Variants in ATP11C observed in about 807,000 individuals in gnomAD.
ATP11C encodes the protein phospholipid-transporting ATPase IG.
In ATP11C, 36 loss-of-function variants were observed where a neutral mutation model predicts 97.4. The ratio of observed to expected loss-of-function variants is 0.37; its 90% CI spans 0.28 to 0.49. The LOEUF (loss-of-function observed/expected upper bound fraction) is 0.49. ATP11C is among the 20% of genes least tolerant of loss of function. The pLI is 0.98. For synonymous variants in ATP11C, 275 were observed against 290.9 expected (o/e 0.95, Z 0.56); for missense variants, 730 against 824.6 (o/e 0.89, Z 1.40).
chrX:139,741,068 C>T lies in ATP11C; in HGVS notation c.3057G>A (p.Thr1019=), dbSNP rs1172482306. Residue 1019 remains threonine (T), a synonymous_variant, in exon 27 of 30, where the codon ACG becomes ACA. Coordinates refer to ENST00000682941, the MANE Select transcript of ATP11C (RefSeq NM_001353812.2). ...CCCAAATCACAAAGTGATTTATCCA[C>T]GTCCAGAATCGGGTATCCAAGGCAA... The part of the protein sequence containing the change: ...LKLALDTRFW[T]WINHFVIWGS... 3.3e-6 allele frequency: 4 copies of T among 1,201,434 alleles called. No homozygotes were observed. Among genetic ancestry groups the T allele is most frequent in the South Asian group, 1.8e-5 (1 of 56,435 alleles).
chrX:139,732,230 G>A (rs2081359817), intron 28 of ATP11C, among the ~76,000 whole-genome samples: 1 of 111,094 alleles, frequency 9.0e-6, no homozygotes, highest in Non-Finnish European at 1.9e-5. Flanking sequence ...CTACAGACCC[G>A]TAGTCCAAGC....
chrX:139,805,598 C>A (rs999574463), intron 5 of ATP11C, among the ~76,000 whole-genome samples: 2 of 112,002 alleles, frequency 1.8e-5, no homozygotes, highest in Non-Finnish European at 3.8e-5. Flanking sequence ...GATTTTCACA[C>A]CATGGTACAT....
At chrX:139,843,115 G>C (rs2083859517) in intron 1 of ATP11C, among the ~76,000 whole-genome samples, 1 of 112,283 alleles carries the variant, frequency 8.9e-6, no homozygotes, top group Admixed American at 9.5e-5. Context: ...GTAACATATG[G>C]AAGGCTGCAG....
rs141626395 is a variant in ATP11C at position 139,888,323 on chromosome X, G to C, written c.27+43693C>G. On this transcript the variant is annotated intron_variant, in intron 1 of 29. Coordinates refer to ENST00000682941, the MANE Select transcript of ATP11C (RefSeq NM_001353812.2). ...TAATTTTTGTATTTTTGTAGAGACG[G>C]GGTTTCACCATGTTGGCCAGGCTGC... 2.7e-5 allele frequency among the ~76,000 whole-genome samples: 3 copies of C among 109,692 alleles called. No homozygotes were observed. The South Asian group carries it at 1.2e-3, about 44-fold the overall frequency.
At chrX:139,735,103 T>C (rs2081416519) in intron 28 of ATP11C, among the ~76,000 whole-genome samples, 1 of 111,874 alleles carries the variant, frequency 8.9e-6, no homozygotes, top group African/African-American at 3.2e-5. Flanking sequence ...GCTTGTGAGC[T>C]AGGGCCACAT....
At chrX:139,912,013 T>C (rs779709253) in intron 1 of ATP11C, among the ~76,000 whole-genome samples, 2 of 107,762 alleles carry the variant, frequency 1.9e-5, no homozygotes, top group East Asian at 5.9e-4. Flanking sequence ...CCGTCTCTAC[T>C]AAAATACAAA....
At chrX:139,837,193 T>C (rs1208563623) in intron 1 of ATP11C, among the ~76,000 whole-genome samples, 1 of 112,002 alleles carries the variant, frequency 8.9e-6, no homozygotes, top group Non-Finnish European at 1.9e-5. Flanking sequence ...AGACAAACAG[T>C]AGTTAGAAGT....
chrX:139,882,996 C>T (rs1029048915), intron 1 of ATP11C, among the ~76,000 whole-genome samples: 2 of 110,800 alleles, frequency 1.8e-5, no homozygotes, highest in African/African-American at 6.6e-5. Context: ...AACAGGGAGC[C>T]ACCAGAAAGT....
At chrX:139,746,990 G>A (rs906516939) in intron 24 of ATP11C, among the ~76,000 whole-genome samples, 6 of 111,526 alleles carry the variant, frequency 5.4e-5, no homozygotes. Flanking sequence ...GTGGGGCTTC[G>A]TGCACATGGC....
chrX:139,858,038 T>C (rs1488934118), intron 1 of ATP11C, among the ~76,000 whole-genome samples: 1 of 112,465 alleles, frequency 8.9e-6, no homozygotes, highest in East Asian at 2.8e-4. Context: ...TTATAAAAAT[T>C]AATTTGGCTC....
At chrX:139,922,481 T>A (rs945409843) in intron 1 of ATP11C, among the ~76,000 whole-genome samples, 6 of 107,481 alleles carry the variant, frequency 5.6e-5, no homozygotes, top group Non-Finnish European at 1.1e-4. Context: ...AGGATGTTTG[T>A]GTTCCCCTAA....
chrX:139,843,352 T>TA (rs1365180407), intron 1 of ATP11C, among the ~76,000 whole-genome samples: 1 of 111,951 alleles, frequency 8.9e-6, no homozygotes, highest in African/African-American at 3.2e-5. Context: ...ACTCATTTGA[T>TA]TAAACAGGCC....
At chrX:139,883,830 A>ATCTT (rs2084598028) in intron 1 of ATP11C, among the ~76,000 whole-genome samples, 1 of 111,878 alleles carries the variant, frequency 8.9e-6, no homozygotes, top group Admixed American at 9.5e-5. Context: ...TAACACAAAG[A>ATCTT]CATCCTGGAC....
chrX:139,907,981 G>A (rs1342496735), intron 1 of ATP11C, among the ~76,000 whole-genome samples: 1 of 110,775 alleles, frequency 9.0e-6, no homozygotes, highest in African/African-American at 3.3e-5. Context: ...ACAGTGTCTG[G>A]CATGTGATAG....
At chrX:139,864,705 A>C (rs764028703) in intron 1 of ATP11C, among the ~76,000 whole-genome samples, 1 of 112,608 alleles carries the variant, frequency 8.9e-6, no homozygotes, top group African/African-American at 3.2e-5. Flanking sequence ...ATGCTAAGGA[A>C]AAAGTATTAA....
At chrX:139,915,084 T>C (rs1383087958) in intron 1 of ATP11C, among the ~76,000 whole-genome samples, 2 of 111,576 alleles carry the variant, frequency 1.8e-5, no homozygotes, top group Non-Finnish European at 3.8e-5. Context: ...GGATCAGCAA[T>C]TCAAGATATC....
At chrX:139,929,686 T>C in intron 1 of ATP11C, among the ~76,000 whole-genome samples, 1 of 111,911 alleles carries the variant, frequency 8.9e-6, no homozygotes. Flanking sequence ...CATAGCTCTA[T>C]TTCTAAAATA....
intron 2 of ATP11C, among the ~76,000 whole-genome samples, chrX:139,820,198 A>AG: frequency 9.2e-6 from 1 of 108,173 alleles, no homozygotes; most frequent in East Asian, 2.9e-4. Context: ...TCGCCAAAAA[A>AG]AAAAAAGGCC....
At chrX:139,869,557 G>A (rs766712212) in intron 1 of ATP11C, among the ~76,000 whole-genome samples, 2 of 106,377 alleles carry the variant, frequency 1.9e-5, no homozygotes, top group African/African-American at 6.8e-5. Context: ...GGCCAAGGTG[G>A]GTGGATCGGT....
Sources: gnomAD v4.1 joint callset for allele counts (sites outside exome capture counted in the v4.1 genomes callset) on GRCh38, gnomAD v4.1.1 for gene constraint, MANE v1.5 for transcripts, NCBI Gene and HGNC (gene_info 2026-07-23, HGNC 2026-07-21) for gene names.